Variants in PADI2 observed in about 807,000 individuals in gnomAD.
PADI2 encodes protein-arginine deiminase type-2.
A neutral mutation model predicts 81.1 loss-of-function variants in PADI2; 70 were observed. The observed-to-expected ratio is 0.86, with a 90% CI of 0.71 to 1.05. PADI2 has a LOEUF of 1.05. PADI2 is among the 50% of genes least tolerant of loss of function. The pLI, the probability that PADI2 is intolerant of heterozygous loss-of-function variation, is 0.00. For missense variants in PADI2, 853 were observed against 889.9 expected, an observed-to-expected ratio of 0.96 and a Z score of 0.53; for synonymous variants, 338 against 358.0, an observed-to-expected ratio of 0.94 and a Z score of 0.63.
At position 17,103,131 on chromosome 1, in the gene PADI2, C is replaced by T. The variant is rs1931212731; in HGVS notation, c.277-72G>A. On this transcript the variant is annotated intron_variant, in intron 2 of 15. Transcript: ENST00000375486. ...GATCACAGATCACAAGCAGGAAAAC[C>T]TGAAGCAACTGCTGTCCCTCACAGC... The T allele has an allele frequency of 4.7e-6, 5 of 1,056,824 alleles. No individual in the cohort carries two copies. In the South Asian group the frequency reaches 6.6e-5, roughly 14 times the overall value. The allele number at this position is 1,056,824 out of a possible 1,614,324, so 65.5% of individuals were successfully genotyped here.
At chr1:17,085,366 G>A (rs576189310) in intron 7 of PADI2, among the ~76,000 whole-genome samples, 1 of 152,160 alleles carries the variant, frequency 6.6e-6, no homozygotes, top group Non-Finnish European at 1.5e-5. Context: ...ACTGTTGCAC[G>A]GCTTGCCTTG....
At chr1:17,116,739 G>A (rs1216547054) in intron 1 of PADI2, among the ~76,000 whole-genome samples, 2 of 152,190 alleles carry the variant, frequency 1.3e-5, no homozygotes, top group African/African-American at 2.4e-5. Context: ...TTCCTCATCT[G>A]TAAAATGGGA....
intron 3 of PADI2, among the ~76,000 whole-genome samples, chr1:17,098,300 G>A (rs957300836): frequency 2.6e-5 from 4 of 152,186 alleles, no homozygotes; most frequent in Admixed American, 6.5e-5. Flanking sequence ...GTAGCCCTGC[G>A]GCCTTCGTCT....
intron 1 of PADI2, 22 bp from the exon 2 acceptor site, chr1:17,105,083 G>C: frequency 6.6e-7 from 1 of 1,513,234 alleles, no homozygotes; most frequent in South Asian, 1.2e-5. Context: ...GATGAGAGAG[G>C]GTTAGGGAGA....
At chr1:17,095,369 T>C (rs867647919) in intron 4 of PADI2, among the ~76,000 whole-genome samples, 3 of 152,160 alleles carry the variant, frequency 2.0e-5, no homozygotes, top group African/African-American at 7.2e-5. Flanking sequence ...AAAATGGTCC[T>C]CTGTGGGGGA....
chr1:17,117,741 C>A (rs953111397), intron 1 of PADI2, among the ~76,000 whole-genome samples: 1 of 152,208 alleles, frequency 6.6e-6, no homozygotes, highest in Non-Finnish European at 1.5e-5. Context: ...CAGGCGGCAC[C>A]AACCATGCCC....
chr1:17,116,387 C>T (rs1419620377), intron 1 of PADI2, among the ~76,000 whole-genome samples: 4 of 152,126 alleles, frequency 2.6e-5, no homozygotes, highest in Admixed American at 1.3e-4. Flanking sequence ...GATGCCACTC[C>T]GTAATTAACT....
At chr1:17,112,321 T>TG (rs1438000627) in intron 1 of PADI2, among the ~76,000 whole-genome samples, 35 of 152,124 alleles carry the variant, frequency 2.3e-4, no homozygotes, top group Non-Finnish European at 4.4e-4. Context: ...GGAGGGTCAC[T>TG]GGCTTGGCCT....
intron 1 of PADI2, among the ~76,000 whole-genome samples, chr1:17,105,631 T>C (rs1389671675): frequency 6.6e-6 from 1 of 152,066 alleles, no homozygotes; most frequent in East Asian, 2.0e-4. Context: ...CGACCTCAGG[T>C]GATCCGCCTG....
At chr1:17,071,809 C>G (rs968917108) in intron 13 of PADI2, among the ~76,000 whole-genome samples, 3 of 152,322 alleles carry the variant, frequency 2.0e-5, no homozygotes, top group African/African-American at 7.2e-5. Flanking sequence ...CCACCTACAG[C>G]CTACTCCTAA....
intron 3 of PADI2, among the ~76,000 whole-genome samples, chr1:17,098,168 C>T (rs753245293): frequency 6.6e-6 from 1 of 152,204 alleles, no homozygotes; most frequent in Admixed American, 6.5e-5. Context: ...CTGCTGTTCC[C>T]TGCAATGAAC....
In PADI2 at chr1:17,069,102, C is replaced by G; in HGVS notation, c.1940G>C (p.Cys647Ser). The G allele has an allele frequency of 6.2e-7, 1 of 1,614,254 alleles. No homozygotes were observed. Among genetic ancestry groups the G allele is most frequent in the Non-Finnish European group, 8.5e-7 (1 of 1,180,046 alleles). ...GGGCTTCCTGCGGACGTTGGTGCCA[C>G]AGTGGACTTCCCCCAGAAATTTGTG... is the stretch of plus-strand genomic sequence containing the variant. ...AYHKFLGEVH[C>S]GTNVRRKPFT... The change falls in exon 16 of 16, where the codon TGT (cysteine) becomes TCT (serine). Residue 647 changes from cysteine to serine, a missense_variant. Coordinates refer to ENST00000375486, the MANE Select transcript of PADI2 (RefSeq NM_007365.3).
At chr1:17,117,155 C>T (rs1192748683) in intron 1 of PADI2, among the ~76,000 whole-genome samples, 2 of 152,170 alleles carry the variant, frequency 1.3e-5, no homozygotes, top group Admixed American at 6.5e-5. Flanking sequence ...TGTTCTGTCC[C>T]GGTGTCACTG....
At chr1:17,082,973 C>T (rs1033571017) in intron 9 of PADI2, 22 of 214,028 alleles carry the variant, frequency 1.0e-4, no homozygotes, top group Admixed American at 2.2e-4. Flanking sequence ...TGGGCTCAAG[C>T]GGTCCTCCTG....
intron 1 of PADI2, among the ~76,000 whole-genome samples, chr1:17,112,466 A>C (rs1035394135): frequency 1.3e-5 from 2 of 151,636 alleles, no homozygotes; most frequent in Admixed American, 1.3e-4. Context: ...CCCCAGAGTG[A>C]CCCCAGCTCC....
chr1:17,069,224 T>C lies in PADI2; in HGVS notation c.1818A>G (p.Pro606=), dbSNP rs1321395909. 1 of 1,614,142 alleles carries C rather than the reference T, an allele frequency of 6.2e-7. No individual in the cohort carries two copies. Among genetic ancestry groups the C allele is most frequent in the African/African-American group, 1.3e-5 (1 of 74,942 alleles). ...KDLGIPKPFG[P]QVEEECCLEM... ...CCAGGCAGCATTCCTCCTCAACCTGTGGCCCGAATGGCTTGGGGATGCCCA... is the reference window on the plus strand; with the variant it reads ...CCAGGCAGCATTCCTCCTCAACCTGCGGCCCGAATGGCTTGGGGATGCCCA... The change falls in exon 16 of 16, where the codon CCA becomes CCG. Residue 606 remains proline, a synonymous_variant. Transcript: ENST00000375486.
intron 1 of PADI2, among the ~76,000 whole-genome samples, chr1:17,106,891 C>T (rs567288299): frequency 6.6e-6 from 1 of 152,050 alleles, no homozygotes; most frequent in South Asian, 2.1e-4. Flanking sequence ...TGGCCATTTG[C>T]AGGCCAGGAA....
chr1:17,070,169 C>T lies in PADI2; in HGVS notation c.1683G>A (p.Leu561=), dbSNP rs1223634023. 3.1e-6 allele frequency: 5 copies of T among 1,614,128 alleles called. No homozygotes were observed. The highest frequency in any genetic ancestry group is 1.7e-5 in the Admixed American group (1 of 60,018). ...GCAGGTCAATGATGTCCTGCTCTGT[C>T]AGTCCCAGCTCCTTCTTGAGGATGT... ...NRDILKKELG[L]TEQDIIDLPA... The change falls in exon 15 of 16, where the codon CTG becomes CTA. Residue 561 remains leucine, a synonymous_variant. Coordinates refer to ENST00000375486, the MANE Select transcript of PADI2 (RefSeq NM_007365.3).
intron 1 of PADI2, among the ~76,000 whole-genome samples, chr1:17,108,049 A>G (rs969390015): frequency 6.6e-6 from 1 of 151,608 alleles, no homozygotes; most frequent in Non-Finnish European, 1.5e-5. Flanking sequence ...CCTTGGTTCA[A>G]GCGATTCTCC....
Sources: gnomAD v4.1 joint callset for allele counts (sites outside exome capture counted in the v4.1 genomes callset) on GRCh38, gnomAD v4.1.1 for gene constraint, MANE v1.5 for transcripts, NCBI Gene and HGNC (gene_info 2026-07-23, HGNC 2026-07-21) for gene names.